Variants in MEI4 observed in about 807,000 individuals in gnomAD.
MEI4 encodes meiotic double-stranded break formation protein 4.
In MEI4, 27 loss-of-function variants were observed where a neutral mutation model predicts 31.4. The ratio of observed to expected loss-of-function variants is 0.86; its 90% confidence interval spans 0.63 to 1.19. The LOEUF is 1.19. MEI4 is among the 50% of genes most tolerant of loss of function. MEI4 has a pLI of 0.00. For missense variants in MEI4, 329 were observed against 398.9 expected, an observed-to-expected ratio of 0.82 and a Z score of 1.49; for synonymous variants, 122 against 145.4, an observed-to-expected ratio of 0.84 and a Z score of 1.16.
chr6:77,685,600 A>G (rs1769040685), intron 1 of MEI4, among the ~76,000 whole-genome samples: 1 of 151,662 alleles, frequency 6.6e-6, no homozygotes, highest in Non-Finnish European at 1.5e-5. Flanking sequence ...TCCTTCTGTC[A>G]TATTCAAAGT....
chr6:77,772,745 G>T (rs1403280666), intron 3 of MEI4, among the ~76,000 whole-genome samples: 1 of 151,866 alleles, frequency 6.6e-6, no homozygotes, highest in Non-Finnish European at 1.5e-5. Context: ...ATTCAGATTG[G>T]GAAGGAATAA....
At chr6:77,892,511 C>G (rs13219006) in intron 4 of MEI4, among the ~76,000 whole-genome samples, 13,975 of 152,004 alleles carry the variant, frequency 0.092, 933 homozygotes, top group East Asian at 0.3. Context: ...ATCCCAGAAC[C>G]CCCTTAGGGT....
At chr6:77,899,700 A>G (rs1047852050) in intron 4 of MEI4, among the ~76,000 whole-genome samples, 7 of 152,130 alleles carry the variant, frequency 4.6e-5, no homozygotes, top group African/African-American at 1.7e-4. Context: ...AGTATCAGCC[A>G]TCACTTCATC....
intron 4 of MEI4, among the ~76,000 whole-genome samples, chr6:77,895,648 C>T (rs1051857905): frequency 1.3e-5 from 2 of 152,158 alleles, no homozygotes; most frequent in South Asian, 4.1e-4. Flanking sequence ...TCTTTATCTC[C>T]TTAGATATAT....
Position 77,690,901 on chromosome 6 carries a change from G to C in MEI4, c.230G>C (p.Ser77Thr). The C allele has an allele frequency of 8.1e-7, 1 of 1,228,192 alleles. No homozygotes were observed. The highest frequency in any genetic ancestry group is 1.0e-6 in the Non-Finnish European group (1 of 984,466). 76.1% of individuals were successfully genotyped at this position (1,228,192 alleles called of 1,614,324 possible). Reference protein sequence around the residue: ...VSRLCSGSFKSGYVSSQLEAQ... With the variant: ...VSRLCSGSFKTGYVSSQLEAQ... The stretch of plus-strand genomic sequence containing the variant: ...AGGCTTTGTTCAGGATCCTTTAAGA[G>C]TGGTGAGTATATAAAATTGCCTTTT... Residue 77 changes from serine (S) to threonine (T), a missense_variant and splice_region_variant, in exon 2 of 5, where the codon AGT becomes ACT. Ser to Thr is a moderately conservative substitution (Grantham distance 58). Transcript: ENST00000684080.
At chr6:77,858,904 T>G (rs1770800345) in intron 4 of MEI4, among the ~76,000 whole-genome samples, 1 of 87,800 alleles carries the variant, frequency 1.1e-5, no homozygotes, top group African/African-American at 5.2e-5. Flanking sequence ...CTTTAGTTTC[T>G]TCTAAAAAAA....
At chr6:77,727,080 T>G (rs922973696) in intron 2 of MEI4, among the ~76,000 whole-genome samples, 2 of 152,198 alleles carry the variant, frequency 1.3e-5, no homozygotes, top group East Asian at 1.9e-4. Flanking sequence ...GTTAGATTTC[T>G]CTTGGGGTGA....
chr6:77,806,283 A>G (rs776010187), intron 3 of MEI4, among the ~76,000 whole-genome samples: 2 of 152,126 alleles, frequency 1.3e-5, no homozygotes, highest in Non-Finnish European at 2.9e-5. Context: ...AAACAATATA[A>G]TATCTACTCT....
intron 3 of MEI4, among the ~76,000 whole-genome samples, chr6:77,815,809 C>T (rs529491561): frequency 1.3e-5 from 2 of 151,582 alleles, no homozygotes; most frequent in Non-Finnish European, 2.9e-5. Flanking sequence ...CAGAGGATCA[C>T]ACATTTTGGC....
chr6:77,921,464 C>A lies in MEI4; in HGVS notation c.901-1625C>A, dbSNP rs1052560203. On this transcript the variant is annotated intron_variant, in intron 4 of 4. Coordinates refer to ENST00000684080, the MANE Select transcript of MEI4 (RefSeq NM_001322247.2). ...CTACAATTTTTTCCATGTTACCAGT[C>A]GGGCTGTTTCCCCTTCTTATTATTT... Among the ~76,000 whole-genome samples the A allele has an allele frequency of 2.6e-5, 4 of 151,730 alleles. No individual in the cohort carries two copies. The East Asian group carries it at 5.8e-4, about 22-fold the overall frequency.
At chr6:77,747,498 G>C (rs992974164) in intron 2 of MEI4, among the ~76,000 whole-genome samples, 1 of 152,064 alleles carries the variant, frequency 6.6e-6, no homozygotes, top group African/African-American at 2.4e-5. Flanking sequence ...AGGGGGAAGA[G>C]CCCCTTATAA....
intron 1 of MEI4, among the ~76,000 whole-genome samples, chr6:77,684,331 C>A (rs1271020306): frequency 3.3e-5 from 5 of 152,002 alleles, no homozygotes; most frequent in African/African-American, 1.2e-4. Context: ...TGTGAAATAA[C>A]CACATTATGG....
chr6:77,793,420 A>G (rs190317653), intron 3 of MEI4, among the ~76,000 whole-genome samples: 28 of 152,346 alleles, frequency 1.8e-4, no homozygotes, highest in Admixed American at 1.8e-3. Context: ...ATGAAAGGAC[A>G]CTAAATAACA....
chr6:77,794,257 G>A (rs1769017683), intron 3 of MEI4, among the ~76,000 whole-genome samples: 1 of 152,082 alleles, frequency 6.6e-6, no homozygotes, highest in African/African-American at 2.4e-5. Flanking sequence ...AATGACAGTT[G>A]TTAACATTTA....
chr6:77,800,779 T>C (rs781047775), intron 3 of MEI4, among the ~76,000 whole-genome samples: 4 of 152,244 alleles, frequency 2.6e-5, no homozygotes, highest in Non-Finnish European at 5.9e-5. Context: ...GTTCTGTTTA[T>C]ATGCTGAATT....
At chr6:77,753,518 C>A (rs1056580121) in intron 2 of MEI4, among the ~76,000 whole-genome samples, 4 of 152,180 alleles carry the variant, frequency 2.6e-5, no homozygotes, top group Non-Finnish European at 5.9e-5. Context: ...CATCGCTGAT[C>A]ATTAGAGAAA....
At chr6:77,799,416 G>T (rs1408465355) in intron 3 of MEI4, among the ~76,000 whole-genome samples, 1 of 152,100 alleles carries the variant, frequency 6.6e-6, no homozygotes, top group Non-Finnish European at 1.5e-5. Flanking sequence ...TGAGTAGGTT[G>T]TGAAAATTTT....
intron 3 of MEI4, among the ~76,000 whole-genome samples, chr6:77,790,763 C>G (rs996136683): frequency 6.6e-6 from 1 of 151,658 alleles, no homozygotes; most frequent in Admixed American, 6.6e-5. Context: ...TTTAAGTCAA[C>G]AAAAAAATTG....
At chr6:77,807,546 T>G (rs1247307146) in intron 3 of MEI4, among the ~76,000 whole-genome samples, 1 of 152,172 alleles carries the variant, frequency 6.6e-6, no homozygotes, top group Non-Finnish European at 1.5e-5. Context: ...TGCTGGAATA[T>G]TTCAAGTAAA....
Sources: allele counts gnomAD v4.1 joint callset (sites outside exome capture counted in the v4.1 genomes callset), GRCh38; gene constraint gnomAD v4.1.1; transcripts MANE v1.5; gene names NCBI Gene and HGNC (gene_info 2026-07-23, HGNC 2026-07-21).